HOMER1: variants seen among roughly 807,000 people sequenced by gnomAD.
The protein encoded by HOMER1 is homer scaffold protein 1.
In HOMER1, 3 loss-of-function variants were observed where a neutral mutation model predicts 48.9. The ratio of observed to expected loss-of-function variants is 0.06; its 90% CI spans 0.03 to 0.16. HOMER1 has a LOEUF of 0.16. HOMER1 is among the 10% of genes least tolerant of loss of function. The pLI, the probability that HOMER1 is intolerant of heterozygous loss-of-function variation, is 1.00. For synonymous variants in HOMER1, 134 were observed against 146.4 expected (o/e 0.92, Z 0.61); for missense variants, 247 against 411.4 (o/e 0.60, Z 3.46).
intron 1 of HOMER1, among the ~76,000 whole-genome samples, chr5:79,469,249 T>G (rs746584001): frequency 1.3e-5 from 2 of 152,210 alleles, no homozygotes; most frequent in Non-Finnish European, 2.9e-5. Context: ...TAAAATGTTT[T>G]CCTGGCTCAG....
intron 5 of HOMER1, among the ~76,000 whole-genome samples, chr5:79,426,544 C>A (rs193268192): frequency 5.9e-5 from 9 of 151,784 alleles, no homozygotes; most frequent in Admixed American, 5.9e-4. Flanking sequence ...ATAAGCCATG[C>A]GCAGAAAGAC....
At chr5:79,419,145 A>G (rs1050085345) in intron 5 of HOMER1, among the ~76,000 whole-genome samples, 6 of 152,220 alleles carry the variant, frequency 3.9e-5, no homozygotes, top group African/African-American at 1.4e-4. Context: ...GAAATAATAG[A>G]CATCTATCAT....
intron 8 of HOMER1, among the ~76,000 whole-genome samples, chr5:79,383,488 C>T (rs760939904): frequency 5.9e-5 from 9 of 151,600 alleles, no homozygotes; most frequent in Non-Finnish European, 8.8e-5. Flanking sequence ...CGGGTTCAAG[C>T]GATTTTCCTG....
At chr5:79,396,089 G>C (rs1422609959) in intron 8 of HOMER1, among the ~76,000 whole-genome samples, 2 of 152,072 alleles carry the variant, frequency 1.3e-5, no homozygotes, top group Middle Eastern at 3.2e-3. Context: ...GGCAAGAGAA[G>C]ACTTTGGTAA....
chr5:79,449,521 A>G (rs1162548003), intron 3 of HOMER1, among the ~76,000 whole-genome samples: 2 of 152,124 alleles, frequency 1.3e-5, no homozygotes, highest in African/African-American at 4.8e-5. Context: ...CACCCAGGCT[A>G]GAGTGCAGTG....
intron 2 of HOMER1, among the ~76,000 whole-genome samples, chr5:79,456,280 G>C (rs1751175327): frequency 6.6e-6 from 1 of 152,066 alleles, no homozygotes; most frequent in Non-Finnish European, 1.5e-5. Flanking sequence ...TGAGAACAAT[G>C]AGGCTCAGAG....
chr5:79,466,499 AAATAATAAT>A (rs143679793), intron 1 of HOMER1, among the ~76,000 whole-genome samples: 12 of 148,194 alleles, frequency 8.1e-5, no homozygotes, highest in African/African-American at 2.5e-4. Context: ...CCTGTCTCAA[AAATAATAAT>A]AATAATAATA....
At chr5:79,423,716 A>C (rs1024712508) in intron 5 of HOMER1, among the ~76,000 whole-genome samples, 2 of 152,096 alleles carry the variant, frequency 1.3e-5, no homozygotes, top group Admixed American at 1.3e-4. Context: ...CCTAGACTAA[A>C]GGCAGGATCA....
At chr5:79,376,984 G>C (rs771302269) in intron 8 of HOMER1, among the ~76,000 whole-genome samples, 3 of 151,974 alleles carry the variant, frequency 2.0e-5, no homozygotes, top group African/African-American at 7.3e-5. Flanking sequence ...TCTTTTCTTT[G>C]AGACACAGTC....
intron 1 of HOMER1, among the ~76,000 whole-genome samples, chr5:79,466,823 C>T (rs1014799727): frequency 2.0e-5 from 3 of 151,882 alleles, no homozygotes; most frequent in African/African-American, 7.3e-5. Flanking sequence ...GACAGAGTCT[C>T]ACTCTGTCAC....
intron 3 of HOMER1, among the ~76,000 whole-genome samples, chr5:79,448,829 G>A (rs1580457673): frequency 6.6e-6 from 1 of 152,040 alleles, no homozygotes; most frequent in African/African-American, 2.4e-5. Context: ...TGAAGCTCTT[G>A]GAGCCAAGTT....
chr5:79,496,961 G>A (rs1752438238), intron 1 of HOMER1, among the ~76,000 whole-genome samples: 1 of 150,022 alleles, frequency 6.7e-6, no homozygotes, highest in Admixed American at 6.7e-5. Flanking sequence ...AGCTACTTGG[G>A]AGGCTGAGGC....
chr5:79,387,738 C>T (rs1203868555), intron 8 of HOMER1, among the ~76,000 whole-genome samples: 1 of 152,114 alleles, frequency 6.6e-6, no homozygotes, highest in Non-Finnish European at 1.5e-5. Context: ...ATAAGGAAGA[C>T]TCTGGCTATA....
intron 1 of HOMER1, among the ~76,000 whole-genome samples, chr5:79,480,094 T>C (rs1193208560): frequency 6.6e-6 from 1 of 151,950 alleles, no homozygotes; most frequent in Non-Finnish European, 1.5e-5. Context: ...CAACATGTCA[T>C]TTAGAAATAA....
intron 1 of HOMER1, 25 bp from the exon 2 acceptor site, chr5:79,457,043 G>C: frequency 6.2e-7 from 1 of 1,611,260 alleles, no homozygotes; most frequent in Non-Finnish European, 8.5e-7. Context: ...AGAAAATGAT[G>C]GACTGAAAGC....
rs1292679848 is a variant in HOMER1 at position 79,439,096 on chromosome 5, C to G, written c.441G>C (p.Gly147=). The change falls in exon 5 of 9, where the codon GGG becomes GGC. Residue 147 remains glycine (G), a synonymous_variant. Transcript: ENST00000334082. ...QSPLTPESIN[G]TDDERTPDVT... ...CATCAGGTGTTCTTTCATCATCTGT[C>G]CCGTTGATACTTTCCGGTGTTAAAG... 1 of 1,613,770 alleles carries G rather than the reference C, an allele frequency of 6.2e-7. No individual in the cohort carries two copies. The highest frequency in any genetic ancestry group is 1.7e-5 in the Admixed American group (1 of 59,994).
At chr5:79,400,049 C>T (rs992619430) in intron 6 of HOMER1, among the ~76,000 whole-genome samples, 1 of 151,274 alleles carries the variant, frequency 6.6e-6, no homozygotes, top group African/African-American at 2.4e-5. Flanking sequence ...GACATGATAG[C>T]TCCTTAATAT....
chr5:79,456,645 G>T (rs1046091754), intron 2 of HOMER1, among the ~76,000 whole-genome samples: 2 of 152,180 alleles, frequency 1.3e-5, no homozygotes, highest in Admixed American at 1.3e-4. Flanking sequence ...CCTCAAATTT[G>T]TAGAATATTT....
chr5:79,392,303 G>A (rs1042191790), intron 8 of HOMER1, among the ~76,000 whole-genome samples: 1 of 152,154 alleles, frequency 6.6e-6, no homozygotes, highest in Non-Finnish European at 1.5e-5. Context: ...ACAGCTCCAT[G>A]CCTGTTATTG....
Sources: allele counts gnomAD v4.1 joint callset (sites outside exome capture counted in the v4.1 genomes callset), GRCh38; gene constraint gnomAD v4.1.1; transcripts MANE v1.5; gene names NCBI Gene and HGNC (gene_info 2026-07-23, HGNC 2026-07-21).